Variants in TRIM36 observed in about 807,000 individuals in gnomAD.
The protein encoded by TRIM36 is E3 ubiquitin-protein ligase TRIM36.
Under a neutral mutation model 72.4 loss-of-function variants are expected in TRIM36, and 42 were observed. That is an observed-to-expected ratio of 0.58 (90% CI 0.45 to 0.75). The LOEUF is 0.75. TRIM36 is among the 30% of genes least tolerant of loss of function. The pLI is 0.00. For missense variants in TRIM36, 913 were observed against 857.1 expected (o/e 1.07, Z -0.81); for synonymous variants, 315 against 282.8 (o/e 1.11, Z -1.14).
chr5:115,176,822 G>A (rs1308151331), intron 1 of TRIM36, among the ~76,000 whole-genome samples: 4 of 152,168 alleles, frequency 2.6e-5, no homozygotes, highest in Admixed American at 6.6e-5. Context: ...CAAAAGAAGC[G>A]AAAAGACAGC....
At chr5:115,133,832 CT>C (rs771438730) in intron 8 of TRIM36, 27 bp downstream of exon 8, 2 of 1,542,572 alleles carry the variant, frequency 1.3e-6, no homozygotes, top group Non-Finnish European at 1.7e-6. Context: ...TAACTCTATG[CT>C]TTTTTTATTC....
At chr5:115,174,543 C>T (rs894917289), upstream of TRIM36, among the ~76,000 whole-genome samples, 9 of 152,152 alleles carry the variant, frequency 5.9e-5, no homozygotes, top group South Asian at 1.2e-3. Context: ...CCAAGCTTAC[C>T]AGTCATAAAG....
intron 2 of TRIM36, chr5:115,149,730 A>G (rs910061260): frequency 3.3e-5 from 5 of 150,820 alleles, no homozygotes; most frequent in Non-Finnish European, 5.9e-5. Context: ...GTCCAAATAG[A>G]TATCTTGGCT....
intron 1 of TRIM36, chr5:115,177,953 T>G (rs1177162109): frequency 6.9e-7 from 1 of 1,442,724 alleles, no homozygotes; most frequent in African/African-American, 1.4e-5. Flanking sequence ...GTTTTTTCAT[T>G]ATAGTGAGCA....
At chr5:115,170,844 C>T (rs950399975), upstream of TRIM36, among the ~76,000 whole-genome samples, 8 of 152,324 alleles carry the variant, frequency 5.3e-5, no homozygotes, top group South Asian at 4.1e-4. Flanking sequence ...CACCCCCGCA[C>T]CCCCGCGGGG....
rs114606320 is a variant in TRIM36, at chr5:115,137,291, A to G, written c.1085+72T>C. On this transcript the variant is annotated intron_variant, in intron 6 of 9. Transcript: ENST00000513154. ...ACAGCATTATGGACCAATCAGAGCTAAAGTGAGAATACACAGCAGCATTTA... is the reference window on the plus strand; with the variant it reads ...ACAGCATTATGGACCAATCAGAGCTGAAGTGAGAATACACAGCAGCATTTA... The G allele has an allele frequency of 2.1e-3, 3,222 of 1,533,880 alleles. 54 individuals are homozygous for G. The African/African-American group carries it at 0.04, about 19-fold the overall frequency.
At chr5:115,156,819 G>T (rs987207184) in intron 2 of TRIM36, among the ~76,000 whole-genome samples, 2 of 152,134 alleles carry the variant, frequency 1.3e-5, no homozygotes, top group African/African-American at 4.8e-5. Context: ...AAATTGCTGG[G>T]ACTTAATTAA....
intron 5 of TRIM36, 40 bp from the exon 6 acceptor site, chr5:115,137,656 AAAG>A (rs1753035220): frequency 2.6e-6 from 4 of 1,520,964 alleles, no homozygotes; most frequent in South Asian, 1.3e-5. Flanking sequence ...AAGATAAAAC[AAAG>A]AATAGCCTCT....
At chr5:115,180,111 GT>G in exon 1 of TRIM36, 2 of 1,485,626 alleles carry the variant, frequency 1.3e-6, no homozygotes, top group Non-Finnish European at 1.9e-6. Context: ...CTCTTTTTCT[GT>G]TTTTAGTCTG....
intron 8 of TRIM36, among the ~76,000 whole-genome samples, chr5:115,133,066 G>T (rs1482378072): frequency 6.6e-6 from 1 of 152,036 alleles, no homozygotes; most frequent in Non-Finnish European, 1.5e-5. Context: ...AGAAAATATG[G>T]GTACATAAGA....
Position 115,126,396 on chromosome 5 carries a change from C to T in TRIM36, c.*107G>A. On this transcript the variant is annotated 3_prime_UTR_variant, in exon 10 of 10. Coordinates refer to ENST00000513154, the MANE Select transcript of TRIM36 (RefSeq NM_001300759.2). The stretch of plus-strand genomic sequence containing the variant: ...TTTCAAGAAGAATCATACTCAAACA[C>T]AAGTGGGGTGACAGAACACTCAGCG... 1.2e-6 allele frequency: 1 copy of T among 838,908 alleles called. No homozygotes were observed. The highest frequency in any genetic ancestry group is 2.7e-5 in the East Asian group (1 of 37,208). The allele number at this position is 838,908 out of a possible 1,614,324, so 52.0% of individuals were successfully genotyped here. A position where few individuals can be genotyped will look rare whatever the true frequency, so the allele number is the denominator to read the frequency against.
rs1432729341 is a variant in TRIM36 at position 115,125,440 on chromosome 5, T to A, written c.*1063A>T. On this transcript the variant is annotated 3_prime_UTR_variant, in exon 10 of 10. Coordinates refer to ENST00000513154, the MANE Select transcript of TRIM36 (RefSeq NM_001300759.2). Reference sequence around the variant, plus strand: ...TATTTTTACTTGCTTATATTAGAAATGCTTATTACCAATGAGAAACAGAAA... The same window carrying A: ...TATTTTTACTTGCTTATATTAGAAAAGCTTATTACCAATGAGAAACAGAAA... 2 of 152,122 alleles carry A rather than the reference T, an allele frequency of 1.3e-5. No homozygotes were observed. The highest frequency in any genetic ancestry group is 4.8e-5 in the African/African-American group (2 of 41,460). 9.4% of individuals were successfully genotyped at this position (152,122 alleles called of 1,614,324 possible).
At chr5:115,164,839 C>G (rs1754676985) in intron 1 of TRIM36, among the ~76,000 whole-genome samples, 1 of 152,210 alleles carries the variant, frequency 6.6e-6, no homozygotes, top group Non-Finnish European at 1.5e-5. Flanking sequence ...AAAGCAAGTC[C>G]CTTCTGCCTA....
intron 2 of TRIM36, among the ~76,000 whole-genome samples, chr5:115,156,781 C>A (rs1490885824): frequency 1.3e-5 from 2 of 152,252 alleles, no homozygotes; most frequent in East Asian, 3.9e-4. Context: ...ACCAAGAAGC[C>A]AAAAGCAAAT....
At chr5:115,127,932 TG>T (rs1045375228) in intron 9 of TRIM36, among the ~76,000 whole-genome samples, 6 of 152,106 alleles carry the variant, frequency 3.9e-5, no homozygotes, top group African/African-American at 1.4e-4. Context: ...GACCTTCCAG[TG>T]GGACAAGACG....
Position 115,126,424 on chromosome 5 carries a change from A to G in TRIM36, c.*79T>C. The G allele has an allele frequency of 8.9e-7, 1 of 1,118,134 alleles. No individual in the cohort carries two copies. The allele number at this position is 1,118,134 out of a possible 1,614,324, so 69.3% of individuals were successfully genotyped here. A position where few individuals can be genotyped will look rare whatever the true frequency, so the allele number is the denominator to read the frequency against. On this transcript the variant is annotated 3_prime_UTR_variant, in exon 10 of 10. Coordinates refer to ENST00000513154, the MANE Select transcript of TRIM36 (RefSeq NM_001300759.2). ...GTGGGGTGACAGAACACTCAGCGAT[A>G]TGTAATTAGTTACGAAGGTTAACGC... is the stretch of plus-strand genomic sequence containing the variant.
chr5:115,180,019 T>C, exon 1 of TRIM36: 15 of 1,614,076 alleles, frequency 9.3e-6, no homozygotes, highest in Non-Finnish European at 1.3e-5. Context: ...AATTCACTCA[T>C]CTCCCCAGAC....
chr5:115,155,789 A>G (rs1293497044), intron 2 of TRIM36, among the ~76,000 whole-genome samples: 2 of 152,226 alleles, frequency 1.3e-5, no homozygotes, highest in Non-Finnish European at 2.9e-5. Context: ...ACCCTTCTTC[A>G]ATATAGTACT....
chr5:115,138,756 A>C (rs1332982630), intron 5 of TRIM36, among the ~76,000 whole-genome samples: 1 of 152,082 alleles, frequency 6.6e-6, no homozygotes, highest in Non-Finnish European at 1.5e-5. Flanking sequence ...ACTGGCAAAC[A>C]CTCCTAAGCA....
Sources: gnomAD v4.1 joint callset for allele counts (sites outside exome capture counted in the v4.1 genomes callset) on GRCh38, gnomAD v4.1.1 for gene constraint, MANE v1.5 for transcripts, NCBI Gene and HGNC (gene_info 2026-07-23, HGNC 2026-07-21) for gene names.